The following SP3 variants were observed in gnomAD, a reference collection of about 807,000 sequenced individuals.
The protein encoded by SP3 is Sp3 transcription factor.
A neutral mutation model predicts 70.3 loss-of-function variants in SP3; 10 were observed. That is an observed-to-expected ratio of 0.14 (90% confidence interval 0.09 to 0.24). The LOEUF is 0.24. Among genes scored for constraint, SP3 ranks in the 10% least tolerant of loss-of-function variants. The probability of loss-of-function intolerance (pLI) is 1.00; values close to 1 mark genes in which losing one functional copy is unlikely to be tolerated. For missense variants in SP3, 825 were observed against 914.6 expected (o/e 0.90, Z 1.26); for synonymous variants, 402 against 333.5 (o/e 1.21, Z -2.24).
intron 4 of SP3, among the ~76,000 whole-genome samples, chr2:173,936,193 T>G (rs979891540): frequency 6.6e-6 from 1 of 151,974 alleles, no homozygotes; most frequent in African/African-American, 2.4e-5. Flanking sequence ...CCTGGCTAAT[T>G]TTTTTCTATT....
intron 4 of SP3, among the ~76,000 whole-genome samples, chr2:173,929,677 G>C (rs1001437157): frequency 6.6e-5 from 10 of 152,224 alleles, no homozygotes; most frequent in Non-Finnish European, 1.2e-4. Flanking sequence ...TAAGTCTGCT[G>C]TTCTCTGTGC....
chr2:173,915,909 C>G (rs1689607863), intron 5 of SP3: 1 of 151,980 alleles, frequency 6.6e-6, no homozygotes, highest in South Asian at 2.1e-4. Flanking sequence ...ATTTACTTCT[C>G]TAAAGATGAA....
intron 5 of SP3, 52 bp downstream of exon 5, chr2:173,918,541 C>G: frequency 1.3e-6 from 2 of 1,505,758 alleles, no homozygotes; most frequent in Admixed American, 3.9e-5. Flanking sequence ...TTTCAAAAAT[C>G]AGAATGATAT....
chr2:173,938,874 G>T (rs528356755), intron 4 of SP3, among the ~76,000 whole-genome samples: 2 of 152,158 alleles, frequency 1.3e-5, no homozygotes, highest in African/African-American at 4.8e-5. Context: ...CTAACCCAAT[G>T]ATTCTTAAGG....
In SP3 at chr2:173,941,408, G is replaced by C. The variant is rs117389743; in HGVS notation, c.1639+13465C>G. Among the ~76,000 whole-genome samples, 229 of 152,280 alleles carry C rather than the reference G, an allele frequency of 1.5e-3. 4 individuals are homozygous for C. The East Asian group carries it at 0.04, about 27-fold the overall frequency. On this transcript the variant is annotated intron_variant, in intron 4 of 6. Transcript: ENST00000310015. ...GGATAACGTGAGACCAGGAGTTCGA[G>C]ACCAGCCTGGTCAACGTGGCAAAAC...
At chr2:173,958,806 C>G (rs1690973963) in intron 3 of SP3, among the ~76,000 whole-genome samples, 1 of 151,318 alleles carries the variant, frequency 6.6e-6, no homozygotes, top group Non-Finnish European at 1.5e-5. Flanking sequence ...GAACTGAGTT[C>G]TAGTTCTGGC....
chr2:173,918,968 A>G lies in SP3; in HGVS notation c.1640-183T>C, dbSNP rs1689678260. On this transcript the variant is annotated intron_variant, in intron 4 of 6. Coordinates refer to ENST00000310015, the MANE Select transcript of SP3 (RefSeq NM_003111.5). The stretch of plus-strand genomic sequence containing the variant: ...CTCTATTCTTCAAGACTAGTTGGAG[A>G]GTAATCTCCTGTATAAATGCTTATA... 2.6e-5 allele frequency among the ~76,000 whole-genome samples: 4 copies of G among 152,164 alleles called. No individual in the cohort carries two copies. In the South Asian group the frequency reaches 8.3e-4, roughly 31 times the overall value.
intron 4 of SP3, among the ~76,000 whole-genome samples, chr2:173,946,542 G>A (rs1220083382): frequency 6.6e-6 from 1 of 151,906 alleles, no homozygotes; most frequent in African/African-American, 2.4e-5. Context: ...TAATCCTACA[G>A]TAGTCAGTTC....
chr2:173,944,002 T>C (rs1239178544), intron 4 of SP3, among the ~76,000 whole-genome samples: 1 of 152,222 alleles, frequency 6.6e-6, no homozygotes, highest in Non-Finnish European at 1.5e-5. Flanking sequence ...TGTATCTGTA[T>C]ATCTAAACAT....
chr2:173,948,950 A>C (rs898976686), intron 4 of SP3, among the ~76,000 whole-genome samples: 1 of 152,220 alleles, frequency 6.6e-6, no homozygotes, highest in Admixed American at 6.5e-5. Context: ...ATGATACCTA[A>C]ATAAACCATC....
intron 4 of SP3, among the ~76,000 whole-genome samples, chr2:173,949,359 CAA>C (rs1409005889): frequency 7.3e-6 from 1 of 136,084 alleles, no homozygotes; most frequent in African/African-American, 2.9e-5. Flanking sequence ...ATTTTACCCT[CAA>C]AAAGGAAAAA....
chr2:173,925,044 C>CGGG (rs1689871791), intron 4 of SP3, among the ~76,000 whole-genome samples: 1 of 152,136 alleles, frequency 6.6e-6, no homozygotes, highest in South Asian at 2.1e-4. Flanking sequence ...TGCAACACCA[C>CGGG]ACCCGGCTAA....
chr2:173,937,691 C>T (rs867676026), intron 4 of SP3, among the ~76,000 whole-genome samples: 3 of 152,054 alleles, frequency 2.0e-5, no homozygotes, highest in African/African-American at 7.2e-5. Context: ...GGCTAAAACT[C>T]ACATTCTCAA....
intron 4 of SP3, among the ~76,000 whole-genome samples, chr2:173,925,881 C>T (rs141030833): frequency 1.3e-5 from 2 of 152,220 alleles, no homozygotes; most frequent in African/African-American, 4.8e-5. Context: ...AGTACACACA[C>T]AAAAAGATAA....
rs1043624180 is a variant in SP3 at position 173,904,364 on chromosome 2, T to C, written c.*5577A>G. ...ACGAGAGAATATACTGTACCTCAGT[T>C]GTCTTAGTTGGCATTATTTGGTAGC... is the stretch of plus-strand genomic sequence containing the variant. On this transcript the variant is annotated 3_prime_UTR_variant, in exon 7 of 7. Coordinates refer to ENST00000310015, the MANE Select transcript of SP3 (RefSeq NM_003111.5). Among the ~76,000 whole-genome samples, 1 of 152,210 alleles carries C rather than the reference T, an allele frequency of 6.6e-6. No homozygotes were observed.
intron 4 of SP3, among the ~76,000 whole-genome samples, chr2:173,933,650 A>ATATATATG (rs1690131838): frequency 1.4e-5 from 2 of 139,736 alleles, no homozygotes. Flanking sequence ...ATATATATAT[A>ATATATATG]TATATATATA....
At chr2:173,937,954 C>T (rs982121259) in intron 4 of SP3, among the ~76,000 whole-genome samples, 3 of 152,148 alleles carry the variant, frequency 2.0e-5, no homozygotes, top group Non-Finnish European at 4.4e-5. Flanking sequence ...TACACTAAAT[C>T]TACAGTGTTA....
intron 3 of SP3, among the ~76,000 whole-genome samples, chr2:173,961,938 T>TTTG (rs1553519074): frequency 9.5e-6 from 1 of 105,342 alleles, no homozygotes; most frequent in Non-Finnish European, 1.8e-5. Flanking sequence ...GGTTTGGGTT[T>TTTG]TTTTTTTTTT....
intron 4 of SP3, among the ~76,000 whole-genome samples, chr2:173,943,316 T>A (rs1024296806): frequency 1.3e-5 from 2 of 152,216 alleles, no homozygotes; most frequent in Non-Finnish European, 2.9e-5. Flanking sequence ...TCCAGCCACC[T>A]TGCTCATTCC....
Sources: allele counts gnomAD v4.1 joint callset (sites outside exome capture counted in the v4.1 genomes callset), GRCh38; gene constraint gnomAD v4.1.1; transcripts MANE v1.5; gene names NCBI Gene and HGNC (gene_info 2026-07-23, HGNC 2026-07-21).